RGL1: variants seen among roughly 807,000 people sequenced by gnomAD.
The protein encoded by RGL1 is ral guanine nucleotide dissociation stimulator-like 1.
Under a neutral mutation model 95.2 loss-of-function variants are expected in RGL1, and 24 were observed. The ratio of observed to expected loss-of-function variants is 0.25; its 90% CI spans 0.18 to 0.35. The LOEUF is 0.35. Ranked by LOEUF, RGL1 falls within the 10% of genes least tolerant of loss-of-function variation. RGL1 has a pLI of 1.00. For synonymous variants in RGL1, 329 were observed against 344.9 expected, an observed-to-expected ratio of 0.95 and a Z score of 0.51; for missense variants, 715 against 936.3, an observed-to-expected ratio of 0.76 and a Z score of 3.08.
At chr1:183,919,856 C>T (rs150879193) in intron 16 of RGL1, among the ~76,000 whole-genome samples, 7 of 152,236 alleles carry the variant, frequency 4.6e-5, no homozygotes, top group African/African-American at 1.2e-4. Context: ...CCACTGGCCA[C>T]GGGTGGCGAT....
chr1:183,674,001 C>G (rs1434647090), intron 1 of RGL1, among the ~76,000 whole-genome samples: 2 of 152,172 alleles, frequency 1.3e-5, no homozygotes, highest in Non-Finnish European at 2.9e-5. Flanking sequence ...ATTATGTCAA[C>G]CTCTATTCTT....
rs754535104 is a variant in RGL1, at chr1:183,897,848, A to G, written c.1181A>G (p.Lys394Arg). The change falls in exon 10 of 18, where the codon AAA becomes AGA. Residue 394 changes from lysine (K) to arginine (R), a missense_variant. Transcript: ENST00000360851. ...SKFANLDSSV[K>R]ENQKRTQRRL... ...TTTGCAAACCTGGACAGCAGTGTGA[A>G]AGAAAACCAGAAGCGTACCCAGAGG... 4 of 1,613,976 alleles carry G rather than the reference A, an allele frequency of 2.5e-6. No homozygotes were observed. In the East Asian group the frequency reaches 8.9e-5, roughly 36 times the overall value.
intron 1 of RGL1, chr1:183,647,329 G>A: frequency 6.0e-6 from 1 of 166,002 alleles, no homozygotes; most frequent in Middle Eastern, 2.9e-3. Flanking sequence ...ACAAATTTAG[G>A]TAGCTATTTT....
chr1:183,706,182 G>C, intron 1 of RGL1, among the ~76,000 whole-genome samples: 1 of 152,130 alleles, frequency 6.6e-6, no homozygotes, highest in African/African-American at 2.4e-5. Flanking sequence ...TCTCTACTTA[G>C]GAGCAGAGTT....
At chr1:183,686,035 G>A (rs1653558068) in intron 1 of RGL1, among the ~76,000 whole-genome samples, 1 of 152,144 alleles carries the variant, frequency 6.6e-6, no homozygotes, top group Admixed American at 6.5e-5. Context: ...TCACTAACTA[G>A]ACCAGTATTA....
chr1:183,856,229 T>C (rs1665131943), intron 3 of RGL1, among the ~76,000 whole-genome samples: 2 of 152,026 alleles, frequency 1.3e-5, no homozygotes, highest in African/African-American at 4.8e-5. Flanking sequence ...TAGGTCTGGG[T>C]GTTGATGACT....
chr1:183,891,256 C>CT (rs1024210467), intron 8 of RGL1, among the ~76,000 whole-genome samples: 1 of 151,808 alleles, frequency 6.6e-6, no homozygotes, highest in Non-Finnish European at 1.5e-5. Context: ...CCTATTAATT[C>CT]TTTGTCTTCA....
chr1:183,699,214 G>A lies in RGL1; in HGVS notation c.-32-42912G>A, dbSNP rs556989432. On this transcript the variant is annotated intron_variant, in intron 1 of 18. Transcript: ENST00000304685. ...TTCACCCAGTGTGTTTCCTTCACATGTGTTGATGTAACTTACCCTGAACAA... is the reference window on the plus strand; with the variant it reads ...TTCACCCAGTGTGTTTCCTTCACATATGTTGATGTAACTTACCCTGAACAA... Among the ~76,000 whole-genome samples, 5 of 152,324 alleles carry A rather than the reference G, an allele frequency of 3.3e-5. No individual in the cohort carries two copies. The South Asian group carries it at 1.0e-3, about 32-fold the overall frequency.
chr1:183,773,133 C>T (rs1282957095), intron 2 of RGL1, among the ~76,000 whole-genome samples: 1 of 151,296 alleles, frequency 6.6e-6, no homozygotes, highest in Non-Finnish European at 1.5e-5. Context: ...ATCCTTCAGA[C>T]TCTGGAAATT....
At chr1:183,682,583 T>C (rs1209288710) in intron 1 of RGL1, among the ~76,000 whole-genome samples, 20 of 152,164 alleles carry the variant, frequency 1.3e-4, no homozygotes, top group South Asian at 8.3e-4. Flanking sequence ...TGTTTTACTT[T>C]GAATTATGTG....
chr1:183,926,230 A>G lies in RGL1; in HGVS notation c.2245A>G (p.Thr749Ala). The G allele has an allele frequency of 6.2e-7, 1 of 1,613,946 alleles. No homozygotes were observed. The highest frequency in any genetic ancestry group is 1.1e-5 in the South Asian group (1 of 91,040). The change falls in exon 18 of 18, where the codon ACG becomes GCG. Residue 749 changes from threonine (T) to alanine (A), a missense_variant. Around this residue, in one of 3 missense-constraint regions of RGL1, gnomAD observed 330 missense variants for 429.6 expected, o/e 0.77. Transcript: ENST00000360851. ...QVKLRSRTSL[T>A]LPRTAKRGCW... ...GAAACTGCGTAGCCGGACCAGCTTG[A>G]CGTTGCCCAGGACAGCTAAACGGGG...
chr1:183,927,585 G>A lies in RGL1; in HGVS notation c.*1293G>A, dbSNP rs552694025. The A allele has an allele frequency of 6.6e-6, 1 of 152,640 alleles. No homozygotes were observed. Among genetic ancestry groups the A allele is most frequent in the South Asian group, 2.1e-4 (1 of 4,826 alleles). The allele number at this position is 152,640 out of a possible 1,614,324, so 9.5% of individuals were successfully genotyped here. Reference sequence around the variant, plus strand: ...CCAGGTTCCCGTGCTTGCTATCACAGTATCATTGTTAAGTGACACTTTTGT... The same window carrying A: ...CCAGGTTCCCGTGCTTGCTATCACAATATCATTGTTAAGTGACACTTTTGT... On this transcript the variant is annotated 3_prime_UTR_variant, in exon 18 of 18. Transcript: ENST00000360851.
At chr1:183,855,058 C>T (rs955636368) in intron 3 of RGL1, among the ~76,000 whole-genome samples, 4 of 152,140 alleles carry the variant, frequency 2.6e-5, no homozygotes, top group African/African-American at 9.7e-5. Context: ...TTGCTCTACC[C>T]TCAAAATGGT....
chr1:183,842,761 A>G (rs562599759), intron 2 of RGL1, among the ~76,000 whole-genome samples: 52 of 152,346 alleles, frequency 3.4e-4, no homozygotes, highest in Middle Eastern at 3.4e-3. Flanking sequence ...AGTCTGGGTT[A>G]TTAAGCACTT....
intron 2 of RGL1, among the ~76,000 whole-genome samples, chr1:183,824,475 G>A (rs1662718924): frequency 6.6e-6 from 1 of 152,188 alleles, no homozygotes; most frequent in Admixed American, 6.5e-5. Context: ...AGGGAGGATA[G>A]AAGCAAAAGA....
chr1:183,819,026 T>C (rs1662274941), intron 2 of RGL1, among the ~76,000 whole-genome samples: 1 of 152,236 alleles, frequency 6.6e-6, no homozygotes, highest in Non-Finnish European at 1.5e-5. Context: ...CATATACTTC[T>C]TAGTGACATA....
At chr1:183,692,980 A>C (rs1014343658) in intron 1 of RGL1, among the ~76,000 whole-genome samples, 1 of 149,392 alleles carries the variant, frequency 6.7e-6, no homozygotes, top group Non-Finnish European at 1.5e-5. Flanking sequence ...TTTGAGATGG[A>C]GTCTCGCTCT....
intron 2 of RGL1, among the ~76,000 whole-genome samples, chr1:183,784,164 G>C (rs1454375570): frequency 6.6e-6 from 1 of 152,188 alleles, no homozygotes; most frequent in Non-Finnish European, 1.5e-5. Flanking sequence ...GGAACTGTGA[G>C]GAAGTCTAGG....
intron 1 of RGL1, among the ~76,000 whole-genome samples, chr1:183,735,674 C>T (rs1250222192): frequency 6.6e-6 from 1 of 152,194 alleles, no homozygotes; most frequent in Non-Finnish European, 1.5e-5. Flanking sequence ...CTCATACCTC[C>T]ACTTCAAACA....
Sources: gnomAD v4.1 joint callset for allele counts (sites outside exome capture counted in the v4.1 genomes callset) on GRCh38, gnomAD v4.1.1 for gene constraint, gnomAD v4.1.1 regional missense constraint, MANE v1.5 for transcripts, NCBI Gene and HGNC (gene_info 2026-07-23, HGNC 2026-07-21) for gene names.